Variants in KIF1B observed in about 807,000 individuals in gnomAD.
KIF1B encodes the protein kinesin family member 1B.
Under a neutral mutation model 241.9 loss-of-function variants are expected in KIF1B, and 76 were observed. That is an observed-to-expected ratio of 0.31 (90% CI 0.26 to 0.38). The LOEUF is 0.38. Among genes scored for constraint, KIF1B ranks in the 10% least tolerant of loss-of-function variants. KIF1B has a pLI of 1.00. For synonymous variants in KIF1B, 750 were observed against 796.7 expected, an observed-to-expected ratio of 0.94 and a Z score of 0.99; for missense variants, 1,622 against 2,271.4, an observed-to-expected ratio of 0.71 and a Z score of 5.81.
At position 10,320,106 on chromosome 1, in the gene KIF1B, A is replaced by G. The variant is rs1213056971; in HGVS notation, c.2179A>G (p.Thr727Ala). The G allele has an allele frequency of 1.2e-6, 2 of 1,613,798 alleles. No homozygotes were observed. Among genetic ancestry groups the G allele is most frequent in the Admixed American group, 1.7e-5 (1 of 60,036 alleles). The change falls in exon 23 of 49, where the codon ACA becomes GCA. Residue 727 changes from threonine to alanine, a missense_variant. This residue lies in a region of KIF1B where 803 missense variants were observed against 1,112.0 expected (regional missense o/e 0.72). Transcript: ENST00000676179. ...TGAAACCCGATCTCTGGCTGCAGAA[A>G]CAACTGAAGAGGAGGAAGAAGAGGA... Reference protein sequence around the residue: ...QVETRSLAAETTEEEEEEEEV... With the variant: ...QVETRSLAAEATEEEEEEEEV...
chr1:10,320,157 G>A lies in KIF1B; in HGVS notation c.2209+21G>A, dbSNP rs754792280. On this transcript the variant is annotated intron_variant, in intron 23 of 48. Coordinates refer to ENST00000676179, the MANE Select transcript of KIF1B (RefSeq NM_001365951.3). ...AGAAGGTGAAATCTAGAGACCGAAA[G>A]TTTCCTGTGTATATCTTTTTGAAGT... 8 of 1,500,934 alleles carry A rather than the reference G, an allele frequency of 5.3e-6. No individual in the cohort carries two copies. In the African/African-American group the frequency reaches 1.1e-4, roughly 21 times the overall value. The allele number at this position is 1,500,934 out of a possible 1,614,324, so 93.0% of individuals were successfully genotyped here. A position where few individuals can be genotyped will look rare whatever the true frequency, so the allele number is the denominator to read the frequency against.
intron 38 of KIF1B, among the ~76,000 whole-genome samples, chr1:10,357,852 T>TA (rs1426528346): frequency 6.6e-6 from 1 of 151,340 alleles, no homozygotes; most frequent in African/African-American, 2.4e-5. Context: ...CTACTAAAAA[T>TA]AAAAAAATTA....
Position 10,303,957 on chromosome 1 carries a change from A to G in KIF1B, c.2115+6711A>G, listed in dbSNP as rs769212537. 6.2e-7 allele frequency: 1 copy of G among 1,614,162 alleles called. No homozygotes were observed. The highest frequency in any genetic ancestry group is 8.5e-7 in the Non-Finnish European group (1 of 1,180,028). ...GTGGACGTCTGCGCTGGATGAGGCA[A>G]GAGCAAATTCGGTTTAAGAACTTGC... On this transcript the variant is annotated intron_variant, in intron 22 of 48. Coordinates refer to ENST00000676179, the MANE Select transcript of KIF1B (RefSeq NM_001365951.3). The surrounding 1 kb of genome is among the most constrained non-coding windows in gnomAD (Gnocchi z 5.2).
chr1:10,247,170 C>T (rs1356744649), intron 2 of KIF1B, among the ~76,000 whole-genome samples: 2 of 152,192 alleles, frequency 1.3e-5, no homozygotes, highest in East Asian at 1.9e-4. Flanking sequence ...CAGTCCTTAT[C>T]ACTTTTAGAA....
In KIF1B at chr1:10,307,957, A is replaced by G. The variant is rs1188035491; in HGVS notation, c.2115+10711A>G. On this transcript the variant is annotated intron_variant, in intron 22 of 48. Transcript: ENST00000676179. ...TCTCTTTTCACTGGTAATGTGATGA[A>G]TGGGAATTGTTTATTACATTGAAGT... 1.9e-5 allele frequency: 20 copies of G among 1,054,136 alleles called. No homozygotes were observed. In the East Asian group the frequency reaches 2.1e-4, roughly 11 times the overall value. 65.3% of individuals were successfully genotyped at this position (1,054,136 alleles called of 1,614,324 possible). A position where few individuals can be genotyped will look rare whatever the true frequency, so the allele number is the denominator to read the frequency against.
intron 17 of KIF1B, among the ~76,000 whole-genome samples, chr1:10,294,641 G>T (rs1475874198): frequency 1.3e-5 from 2 of 152,184 alleles, no homozygotes; most frequent in Non-Finnish European, 2.9e-5. Context: ...GCCAAGGAGG[G>T]TGGGTCAGTT....
intron 32 of KIF1B, among the ~76,000 whole-genome samples, chr1:10,340,705 TG>T (rs1050211139): frequency 6.6e-6 from 1 of 151,926 alleles, no homozygotes; most frequent in Non-Finnish European, 1.5e-5. Flanking sequence ...GAACCCAGGA[TG>T]GGGGGGTTGC....
rs188362565 is a variant in KIF1B, at chr1:10,272,738, A to G, written c.865-276A>G. ...TAGTTTTTTTTTTTTTTTTCCCCCA[A>G]TAGTTTTGTTCTTTCCTACTCCTTT... On this transcript the variant is annotated intron_variant, in intron 9 of 48. Transcript: ENST00000676179. Among the ~76,000 whole-genome samples, 465 of 149,794 alleles carry G rather than the reference A, an allele frequency of 3.1e-3. 3 individuals carry two copies. The highest frequency in any genetic ancestry group is 0.011 in the African/African-American group (435 of 40,832).
At chr1:10,246,520 C>T (rs186763536) in intron 2 of KIF1B, among the ~76,000 whole-genome samples, 70 of 152,176 alleles carry the variant, frequency 4.6e-4, no homozygotes, top group Admixed American at 1.9e-3. Flanking sequence ...CCGAGGTGGG[C>T]GGATCACGAG....
rs775781466 is a variant in KIF1B at position 10,365,699 on chromosome 1, C to G, written c.4752+51C>G. ...ACGTCTTCCCACAAGGCTCCACAAACTAGCCTCTCGGTTTATTCATTTTCA... is the reference window on the plus strand; with the variant it reads ...ACGTCTTCCCACAAGGCTCCACAAAGTAGCCTCTCGGTTTATTCATTTTCA... On this transcript the variant is annotated intron_variant, in intron 43 of 48. Coordinates refer to ENST00000676179, the MANE Select transcript of KIF1B (RefSeq NM_001365951.3). This position sits in a 1 kb window ranked among gnomAD's most constrained non-coding sequence, Gnocchi z 4.0. 2.5e-6 allele frequency: 4 copies of G among 1,611,558 alleles called. No individual in the cohort carries two copies. The highest frequency in any genetic ancestry group is 2.5e-6 in the Non-Finnish European group (3 of 1,179,568).
intron 2 of KIF1B, among the ~76,000 whole-genome samples, chr1:10,240,721 ATTTTTTT>A (rs34449939): frequency 1.1e-4 from 12 of 110,094 alleles, no homozygotes; most frequent in East Asian, 3.3e-4. Flanking sequence ...TGGGTAGTTC[ATTTTTTT>A]TTTTTTTTTT....
At chr1:10,244,057 G>A (rs1458902839) in intron 2 of KIF1B, among the ~76,000 whole-genome samples, 1 of 151,732 alleles carries the variant, frequency 6.6e-6, no homozygotes, top group East Asian at 1.9e-4. Context: ...TAATACTCTG[G>A]GATCAAGTAT....
At chr1:10,330,436 A>G (rs1039199196) in intron 27 of KIF1B, among the ~76,000 whole-genome samples, 68 of 152,312 alleles carry the variant, frequency 4.5e-4, no homozygotes, top group African/African-American at 1.6e-3. Context: ...CTGTGTGTGC[A>G]AACAGTACTT....
chr1:10,235,577 T>G (rs990288011), intron 2 of KIF1B, among the ~76,000 whole-genome samples: 17 of 152,196 alleles, frequency 1.1e-4, no homozygotes, highest in Non-Finnish European at 2.5e-4. Context: ...TTAAAAAGTA[T>G]AGGCCAGGTG....
chr1:10,305,131 T>C, intron 22 of KIF1B: 1 of 1,061,100 alleles, frequency 9.4e-7, no homozygotes, highest in Non-Finnish European at 1.1e-6. Flanking sequence ...CAGCTTTGGA[T>C]TTCTCATCCA....
At chr1:10,315,505 T>A (rs1175259607) in intron 22 of KIF1B, among the ~76,000 whole-genome samples, 1 of 151,352 alleles carries the variant, frequency 6.6e-6, no homozygotes, top group Non-Finnish European at 1.5e-5. Flanking sequence ...CACTATCCCA[T>A]CTAGGAAATT....
At position 10,334,599 on chromosome 1, in the gene KIF1B, G is replaced by A; in HGVS notation, c.3004G>A (p.Val1002Met). 1 of 1,614,092 alleles carries A rather than the reference G, an allele frequency of 6.2e-7. No homozygotes were observed. The highest frequency in any genetic ancestry group is 8.5e-7 in the Non-Finnish European group (1 of 1,179,948). ...RVAIVSEKGEVRGFLRVAVQA... is the reference protein window; with the variant it reads ...RVAIVSEKGEMRGFLRVAVQA... Reference sequence around the variant, plus strand: ...GGCCATCGTCAGTGAGAAAGGTGAAGTGCGGGGATTTCTGCGTGTGGCTGT... The same window carrying A: ...GGCCATCGTCAGTGAGAAAGGTGAAATGCGGGGATTTCTGCGTGTGGCTGT... The change falls in exon 28 of 49, where the codon GTG becomes ATG. Residue 1002 changes from valine to methionine, a missense_variant. Val to Met is a conservative substitution (Grantham distance 21). Around this residue, in one of 7 missense-constraint regions of KIF1B, gnomAD observed 803 missense variants for 1,112.0 expected, o/e 0.72. Coordinates refer to ENST00000676179, the MANE Select transcript of KIF1B (RefSeq NM_001365951.3).
intron 16 of KIF1B, among the ~76,000 whole-genome samples, chr1:10,291,382 G>T (rs543508768): frequency 6.6e-6 from 1 of 152,224 alleles, no homozygotes; most frequent in East Asian, 1.9e-4. Context: ...AGGTTTATTA[G>T]TTACCATATT....
intron 18 of KIF1B, 82 bp downstream of exon 18, chr1:10,295,247 AAATT>A: frequency 1.2e-6 from 1 of 850,298 alleles, no homozygotes; most frequent in East Asian, 2.4e-5. Flanking sequence ...GGGGTTGAAA[AAATT>A]AACGTAATGA....
Sources: gnomAD v4.1 joint callset for allele counts (sites outside exome capture counted in the v4.1 genomes callset) on GRCh38, gnomAD v4.1.1 for gene constraint, gnomAD v4.1.1 regional missense constraint, Gnocchi (gnomAD v3.1) non-coding constraint, MANE v1.5 for transcripts, NCBI Gene and HGNC (gene_info 2026-07-23, HGNC 2026-07-21) for gene names.